Variants in AMTN observed in about 807,000 individuals in gnomAD.
AMTN encodes RSTI689.
AMTN carries 29 observed loss-of-function variants against 27.4 expected under a neutral mutation model. The observed-to-expected ratio is 1.06, with a 90% CI of 0.79 to 1.44. The LOEUF (loss-of-function observed/expected upper bound fraction) is 1.44, where lower values mean the gene tolerates loss of function less well. Ranked by LOEUF, AMTN falls within the 40% of genes most tolerant of loss-of-function variation. The pLI is 0.00. For synonymous variants in AMTN, 86 were observed against 95.7 expected (o/e 0.90, Z 0.59); for missense variants, 247 against 248.8 (o/e 0.99, Z 0.05).
chr4:70,528,191 T>C (rs2109773836), intron 5 of AMTN, among the ~76,000 whole-genome samples: 1 of 151,334 alleles, frequency 6.6e-6, no homozygotes, highest in South Asian at 2.1e-4. Flanking sequence ...ACTTCTATCT[T>C]CTAAATGTGC....
chr4:70,518,934 G>A, intron 2 of AMTN, 103 bp downstream of exon 2: 1 of 927,012 alleles, frequency 1.1e-6, no homozygotes, highest in Non-Finnish European at 1.8e-6. Flanking sequence ...TCTGTTTTGT[G>A]ACTCATTCCC....
intron 5 of AMTN, among the ~76,000 whole-genome samples, chr4:70,527,947 T>G (rs1736133644): frequency 6.6e-6 from 1 of 152,176 alleles, no homozygotes; most frequent in Admixed American, 6.5e-5. Flanking sequence ...TGAGCAATAT[T>G]CCCTATAATT....
At chr4:70,520,219 T>C (rs943840553) in intron 2 of AMTN, among the ~76,000 whole-genome samples, 1 of 152,000 alleles carries the variant, frequency 6.6e-6, no homozygotes, top group Non-Finnish European at 1.5e-5. Context: ...TAATAGACAA[T>C]GAGAGCAGCT....
intron 7 of AMTN, 74 bp from the exon 8 acceptor site, chr4:70,530,965 A>T: frequency 1.3e-6 from 2 of 1,552,042 alleles, no homozygotes; most frequent in Non-Finnish European, 1.7e-6. Context: ...TCCTACCCAA[A>T]CTTGCTCCCC....
At chr4:70,525,939 T>C (rs149774968) in intron 5 of AMTN, among the ~76,000 whole-genome samples, 2,453 of 152,126 alleles carry the variant, frequency 0.016, 29 homozygotes, top group South Asian at 0.042. Flanking sequence ...TGGAGGAAAA[T>C]ACAATAATCC....
At chr4:70,528,081 A>G (rs2109773753) in intron 5 of AMTN, among the ~76,000 whole-genome samples, 1 of 152,322 alleles carries the variant, frequency 6.6e-6, no homozygotes, top group East Asian at 1.9e-4. Context: ...ATGCCATTTG[A>G]AAGAAATCTG....
At chr4:70,527,991 A>G (rs890822013) in intron 5 of AMTN, among the ~76,000 whole-genome samples, 2 of 152,204 alleles carry the variant, frequency 1.3e-5, no homozygotes, top group African/African-American at 4.8e-5. Flanking sequence ...CCAGACAACT[A>G]TTGCAAGACT....
chr4:70,525,021 G>A (rs1054622029), intron 5 of AMTN, 60 bp downstream of exon 5: 1 of 1,489,536 alleles, frequency 6.7e-7, no homozygotes, highest in Non-Finnish European at 9.2e-7. Flanking sequence ...TCAGGTGAAA[G>A]CCTACAGTAG....
At chr4:70,530,923 C>T (rs1736205403) in intron 7 of AMTN, 116 bp from the exon 8 acceptor site, 1 of 1,399,852 alleles carries the variant, frequency 7.1e-7, no homozygotes, top group Non-Finnish European at 9.6e-7. Flanking sequence ...TCTTTGCTGT[C>T]TTCTCTGACT....
chr4:70,522,961 A>G (rs2109770486), intron 3 of AMTN, 123 bp downstream of exon 3: 2 of 828,084 alleles, frequency 2.4e-6, no homozygotes, highest in Non-Finnish European at 3.8e-6. Flanking sequence ...TGAAGACTGT[A>G]CAAGACTGAA....
At chr4:70,529,267 T>G in intron 7 of AMTN, 57 bp downstream of exon 7, 1 of 1,321,546 alleles carries the variant, frequency 7.6e-7, no homozygotes, top group Non-Finnish European at 1.0e-6. Flanking sequence ...CAATGTTTTC[T>G]GTCCTCATAT....
intron 7 of AMTN, 143 bp downstream of exon 7, chr4:70,529,353 G>T: frequency 2.0e-6 from 1 of 487,844 alleles, no homozygotes; most frequent in Non-Finnish European, 3.4e-6. Context: ...CCTTACATTA[G>T]ATTATCCTTT....
Position 70,529,170 on chromosome 4 carries a change from C to A in AMTN, c.331-14C>A. The A allele has an allele frequency of 6.5e-7, 1 of 1,548,706 alleles. No individual in the cohort carries two copies. Among genetic ancestry groups the A allele is most frequent in the Non-Finnish European group, 8.7e-7 (1 of 1,152,172 alleles). On this transcript the variant is annotated splice_polypyrimidine_tract_variant and intron_variant, in intron 6 of 8. Coordinates refer to ENST00000339336, the MANE Select transcript of AMTN (RefSeq NM_212557.4). ...AATGTGTCTAACAAATTGTGTTTGT[C>A]ATTTTGCTTTTAGGGCACTATCCTA...
chr4:70,524,932 T>C lies in AMTN; in HGVS notation c.265T>C (p.Leu89=). The part of the protein sequence containing the change: ...TQTHPLTLGG[L]NVQQQLHPHV... ...GACCCACCCATTGACCCTGGGAGGGTTGAATGTACAACAGCAACTGCACCC... is the reference window on the plus strand; with the variant it reads ...GACCCACCCATTGACCCTGGGAGGGCTGAATGTACAACAGCAACTGCACCC... Residue 89 remains leucine (L), a synonymous_variant, in exon 5 of 9, where the codon TTG becomes CTG. Coordinates refer to ENST00000339336, the MANE Select transcript of AMTN (RefSeq NM_212557.4). 1.2e-6 allele frequency: 2 copies of C among 1,614,002 alleles called. No individual in the cohort carries two copies. Among genetic ancestry groups the C allele is most frequent in the Non-Finnish European group, 1.7e-6 (2 of 1,179,938 alleles).
At chr4:70,518,893 C>T in intron 2 of AMTN, 62 bp downstream of exon 2, 8 of 1,320,734 alleles carry the variant, frequency 6.1e-6, no homozygotes, top group South Asian at 1.2e-5. Flanking sequence ...AGCTGCAGAC[C>T]TACCTCTCTC....
At chr4:70,522,015 C>G (rs1735982762) in intron 2 of AMTN, among the ~76,000 whole-genome samples, 1 of 152,156 alleles carries the variant, frequency 6.6e-6, no homozygotes, top group African/African-American at 2.4e-5. Flanking sequence ...TGGTGCAGAG[C>G]CAGAGGGCCA....
At chr4:70,523,132 C>T (rs17676469) in intron 3 of AMTN, among the ~76,000 whole-genome samples, 102,905 of 152,054 alleles carry the variant, frequency 0.68, 35,464 homozygotes, top group African/African-American at 0.76. Context: ...GGAATACCTA[C>T]GTCTGTTTAC....
At chr4:70,519,342 A>T (rs1735896929) in intron 2 of AMTN, among the ~76,000 whole-genome samples, 1 of 152,216 alleles carries the variant, frequency 6.6e-6, no homozygotes, top group Non-Finnish European at 1.5e-5. Context: ...TAGTATTCAC[A>T]TATAACAGGA....
Position 70,518,786 on chromosome 4 carries a change from T to C in AMTN, c.9T>C (p.Ser3=), listed in dbSNP as rs538439189. 6 of 1,606,352 alleles carry C rather than the reference T, an allele frequency of 3.7e-6. No homozygotes were observed. In the South Asian group the frequency reaches 6.6e-5, roughly 18 times the overall value. The change falls in exon 2 of 9, where the codon AGT becomes AGC. Residue 3 remains serine, a synonymous_variant. Transcript: ENST00000339336. The stretch of plus-strand genomic sequence containing the variant: ...AGGTAGCAATCTGAAACATGAGGAG[T>C]ACGATTCTACTGTTTTGTCTTCTAG... MR[S]TILLFCLLGS... is the part of the protein sequence containing the mutation.
Sources: gnomAD v4.1 joint callset for allele counts (sites outside exome capture counted in the v4.1 genomes callset) on GRCh38, gnomAD v4.1.1 for gene constraint, MANE v1.5 for transcripts, NCBI Gene and HGNC (gene_info 2026-07-23, HGNC 2026-07-21) for gene names.